Variants in DNMT1 observed in about 807,000 individuals in gnomAD.
The protein encoded by DNMT1 is DNA (cytosine-5)-methyltransferase 1.
A neutral mutation model predicts 205.3 loss-of-function variants in DNMT1; 24 were observed. That is an observed-to-expected ratio of 0.12 (90% CI 0.08 to 0.16). The LOEUF is 0.16. DNMT1 is among the 10% of genes least tolerant of loss of function. DNMT1 has a pLI of 1.00. For missense variants in DNMT1, 1,293 were observed against 2,177.7 expected, an observed-to-expected ratio of 0.59 and a Z score of 8.09; for synonymous variants, 817 against 839.8, an observed-to-expected ratio of 0.97 and a Z score of 0.47.
intron 1 of DNMT1, among the ~76,000 whole-genome samples, chr19:10,187,389 G>A (rs1250839187): frequency 5.9e-5 from 9 of 152,064 alleles, no homozygotes; most frequent in African/African-American, 1.7e-4. Flanking sequence ...GATCACTTGA[G>A]CCCAGGAATT....
At chr19:10,175,084 TACACACACACACACACAC>T (rs201133845) in intron 7 of DNMT1, among the ~76,000 whole-genome samples, 20 of 113,904 alleles carry the variant, frequency 1.8e-4, no homozygotes, top group African/African-American at 4.2e-4. Flanking sequence ...CATACATACA[TACACACACACACACACAC>T]ACACACACAC....
At position 10,140,006 on chromosome 19, in the gene DNMT1, C is replaced by T. The variant is rs760053276; in HGVS notation, c.3806+40G>A. ...CCACTGCTGACATGCGGCACAGCCCCGGGCCGTCTGGCAACACTGGGGGGC... is the reference window on the plus strand; with the variant it reads ...CCACTGCTGACATGCGGCACAGCCCTGGGCCGTCTGGCAACACTGGGGGGC... On this transcript the variant is annotated intron_variant, in intron 33 of 40. Coordinates refer to ENST00000359526, the MANE Select transcript of DNMT1 (RefSeq NM_001130823.3). This position sits in a 1 kb window ranked among gnomAD's most constrained non-coding sequence, Gnocchi z 8.4. 17 of 1,602,460 alleles carry T rather than the reference C, an allele frequency of 1.1e-5. No homozygotes were observed. The highest frequency in any genetic ancestry group is 9.3e-5 in the African/African-American group (7 of 74,936).
At chr19:10,161,360 A>AATAC (rs900666856) in intron 13 of DNMT1, among the ~76,000 whole-genome samples, 3 of 151,318 alleles carry the variant, frequency 2.0e-5, no homozygotes, top group African/African-American at 7.4e-5. Flanking sequence ...TAAATAAATA[A>AATAC]ATAACTGGCC....
intron 9 of DNMT1, among the ~76,000 whole-genome samples, chr19:10,170,288 TAAA>T (rs934398480): frequency 1.3e-5 from 2 of 149,300 alleles, no homozygotes; most frequent in African/African-American, 4.9e-5. Context: ...CCATCTCAAT[TAAA>T]AAAAAAGAAA....
In DNMT1 at chr19:10,138,037, C is replaced by A; in HGVS notation, c.4116-28G>T. 6.2e-7 allele frequency: 1 copy of A among 1,601,594 alleles called. No homozygotes were observed. Among genetic ancestry groups the A allele is most frequent in the Non-Finnish European group, 8.5e-7 (1 of 1,174,352 alleles). Reference sequence around the variant, plus strand: ...GCAACAGAGGAGGAGGTCAACACCTCTGGAGATGCACGCAGCAGCTGTCCC... The same window carrying A: ...GCAACAGAGGAGGAGGTCAACACCTATGGAGATGCACGCAGCAGCTGTCCC... On this transcript the variant is annotated intron_variant, in intron 35 of 40. Transcript: ENST00000359526. This position sits in a 1 kb window ranked among gnomAD's most constrained non-coding sequence, Gnocchi z 4.1.
At position 10,149,666 on chromosome 19, in the gene DNMT1, A is replaced by G; in HGVS notation, c.2382-9T>C. The G allele has an allele frequency of 1.2e-6, 2 of 1,613,480 alleles. No individual in the cohort carries two copies. Among genetic ancestry groups the G allele is most frequent in the Non-Finnish European group, 1.7e-6 (2 of 1,180,054 alleles). On this transcript the variant is annotated splice_polypyrimidine_tract_variant and intron_variant, in intron 25 of 40. Coordinates refer to ENST00000359526, the MANE Select transcript of DNMT1 (RefSeq NM_001130823.3). ...CCCACAGCGCCGTGACCCTGGAATCAGAAGACGGGCATGGGGAGAAAGTTC... is the reference window on the plus strand; with the variant it reads ...CCCACAGCGCCGTGACCCTGGAATCGGAAGACGGGCATGGGGAGAAAGTTC...
chr19:10,151,597 G>A lies in DNMT1; in HGVS notation c.2118-52C>T, dbSNP rs370603079. ...GCCCCTTTTCTAAGTAAGACCAACC[G>A]GGGCTGTTTTCTTCATAACAGGGAC... On this transcript the variant is annotated intron_variant, in intron 23 of 40. Coordinates refer to ENST00000359526, the MANE Select transcript of DNMT1 (RefSeq NM_001130823.3). This position sits in a 1 kb window ranked among gnomAD's most constrained non-coding sequence, Gnocchi z 5.0. The A allele has an allele frequency of 7.6e-5, 123 of 1,611,736 alleles. No homozygotes were observed. The highest frequency in any genetic ancestry group is 9.6e-5 in the Non-Finnish European group (113 of 1,179,934).
At chr19:10,163,473 T>G (rs2038623472) in intron 11 of DNMT1, 113 bp from the exon 12 acceptor site, 4 of 1,123,496 alleles carry the variant, frequency 3.6e-6, no homozygotes, top group Non-Finnish European at 4.0e-6. Context: ...ATCCCAGCAC[T>G]GTGGAGCTGG....
At position 10,137,922 on chromosome 19, in the gene DNMT1, C is replaced by T. The variant is rs755878403; in HGVS notation, c.4203G>A (p.Glu1401=). The T allele has an allele frequency of 5.0e-6, 8 of 1,612,818 alleles. No individual in the cohort carries two copies. The African/African-American group carries it at 6.7e-5, about 13-fold the overall frequency. ...PEVRNGASAL[E]ISYNGEPQSW... is the part of the protein sequence containing the mutation. The stretch of plus-strand genomic sequence containing the variant: ...ACTGAGGCTCCCCGTTGTAGGAGAT[C>T]TCCAGTGCCGAGGCTCCATTCCGCA... Residue 1401 remains glutamate (E), a synonymous_variant, in exon 36 of 41, where the codon GAG becomes GAA. Transcript: ENST00000359526. This position sits in a 1 kb window ranked among gnomAD's most constrained non-coding sequence, Gnocchi z 6.4.
At position 10,143,999 on chromosome 19, in the gene DNMT1, C is replaced by T. The variant is rs2089652431; in HGVS notation, c.2895-12G>A. ...TGGACAGCTTGATGCTGCAGAGAAG[C>T]ACCCACTTGACATCAATGAACCTTC... On this transcript the variant is annotated splice_polypyrimidine_tract_variant and intron_variant, in intron 28 of 40. Coordinates refer to ENST00000359526, the MANE Select transcript of DNMT1 (RefSeq NM_001130823.3). 6.2e-7 allele frequency: 1 copy of T among 1,613,244 alleles called. No individual in the cohort carries two copies. The highest frequency in any genetic ancestry group is 8.5e-7 in the Non-Finnish European group (1 of 1,179,790).
intron 1 of DNMT1, among the ~76,000 whole-genome samples, chr19:10,183,092 T>TACAC (rs1555696069): frequency 1.1e-3 from 146 of 138,584 alleles, no homozygotes; most frequent in African/African-American, 3.9e-3. Flanking sequence ...TATATATATA[T>TACAC]ACACGTATAT....
rs34252933 is a variant in DNMT1, at chr19:10,135,264, G to GT, written c.4773+471_4773+472insA. Among the ~76,000 whole-genome samples the GT allele has an allele frequency of 4.1e-3, 620 of 151,244 alleles. 7 individuals are homozygous for GT. The highest frequency in any genetic ancestry group is 0.014 in the African/African-American group (584 of 41,228). ...GGCTGCTTCCCGAGAACCAGATTCG[G>GT]GGGGAGGGGTGAAATGTGGTTTTCA... On this transcript the variant is annotated intron_variant, in intron 39 of 40. Transcript: ENST00000359526.
chr19:10,138,151 TG>T lies in DNMT1; in HGVS notation c.4116-143del. 1 of 1,164,268 alleles carries T rather than the reference TG, an allele frequency of 8.6e-7. No homozygotes were observed. Among genetic ancestry groups the T allele is most frequent in the Non-Finnish European group, 1.2e-6 (1 of 812,488 alleles). The allele number at this position is 1,164,268 out of a possible 1,614,324, so 72.1% of individuals were successfully genotyped here. A position where few individuals can be genotyped will look rare whatever the true frequency, so the allele number is the denominator to read the frequency against. On this transcript the variant is annotated intron_variant, in intron 35 of 40. Transcript: ENST00000359526. This position sits in a 1 kb window ranked among gnomAD's most constrained non-coding sequence, Gnocchi z 4.1. ...GAGGTCACATGGGTGGCAGTGTGCCTGGATGCCATCTGGAAGGGGGGATGGG... is the reference window on the plus strand; with the variant it reads ...GAGGTCACATGGGTGGCAGTGTGCCTGATGCCATCTGGAAGGGGGGATGGG...
At chr19:10,167,726 C>T (rs1361620705) in intron 10 of DNMT1, among the ~76,000 whole-genome samples, 4 of 152,214 alleles carry the variant, frequency 2.6e-5, no homozygotes, top group Non-Finnish European at 4.4e-5. Context: ...AGCCATTTGT[C>T]ACACAGCATT....
Position 10,140,948 on chromosome 19 carries a change from A to G in DNMT1, c.3395-39T>C, listed in dbSNP as rs752584206. On this transcript the variant is annotated intron_variant, in intron 31 of 40. Transcript: ENST00000359526. This position sits in a 1 kb window ranked among gnomAD's most constrained non-coding sequence, Gnocchi z 8.4. Reference sequence around the variant, plus strand: ...GCCAGAGGCTAAACCCGATCCTCAGAGTCCAAGTCCACCTTGCTCTCAAGC... The same window carrying G: ...GCCAGAGGCTAAACCCGATCCTCAGGGTCCAAGTCCACCTTGCTCTCAAGC... 1 of 1,613,664 alleles carries G rather than the reference A, an allele frequency of 6.2e-7. No homozygotes were observed. The highest frequency in any genetic ancestry group is 1.3e-5 in the African/African-American group (1 of 74,932).
chr19:10,162,622 A>T, intron 13 of DNMT1, 45 bp downstream of exon 13: 1 of 361,788 alleles, frequency 2.8e-6, no homozygotes, highest in Non-Finnish European at 3.9e-6. Flanking sequence ...GTCTTGGGGA[A>T]AAAAAAAAAA....
In DNMT1 at chr19:10,149,555, C is replaced by G. The variant is rs749306478; in HGVS notation, c.2484G>C (p.Leu828=). The part of the protein sequence containing the change: ...DTVLGATSDP[L]ELFLVDECED... ...CACATTCATCCACCAAGAACAGCTC[C>G]AGAGGGTCCGACGTGGCCCCGAGGA... The change falls in exon 26 of 41, where the codon CTG becomes CTC. Residue 828 remains leucine, a synonymous_variant. Transcript: ENST00000359526. 1 of 1,614,004 alleles carries G rather than the reference C, an allele frequency of 6.2e-7. No individual in the cohort carries two copies. Among genetic ancestry groups the G allele is most frequent in the Non-Finnish European group, 8.5e-7 (1 of 1,180,002 alleles).
intron 24 of DNMT1, 22 bp from the exon 25 acceptor site, chr19:10,149,990 C>T: frequency 6.2e-7 from 1 of 1,604,338 alleles, no homozygotes; most frequent in East Asian, 2.2e-5. Context: ...AGCATAAGTT[C>T]ATGGAGGATC....
intron 40 of DNMT1, 98 bp downstream of exon 40, chr19:10,134,119 T>TGGTAG: frequency 7.5e-7 from 1 of 1,340,686 alleles, no homozygotes; most frequent in South Asian, 1.2e-5. Flanking sequence ...GTGACCCGCC[T>TGGTAG]GAGTCCCAGA....
Sources: gnomAD v4.1 joint callset for allele counts (sites outside exome capture counted in the v4.1 genomes callset) on GRCh38, gnomAD v4.1.1 for gene constraint, Gnocchi (gnomAD v3.1) non-coding constraint, MANE v1.5 for transcripts, NCBI Gene and HGNC (gene_info 2026-07-23, HGNC 2026-07-21) for gene names.